Variants in MORF4L2 observed in about 807,000 individuals in gnomAD.
MORF4L2 encodes the protein mortality factor 4-like protein 2.
A neutral mutation model predicts 12.0 loss-of-function variants in MORF4L2; 1 was observed. The ratio of observed to expected loss-of-function variants is 0.08; its 90% CI spans 0.03 to 0.40. The LOEUF (loss-of-function observed/expected upper bound fraction) is 0.40. Ranked by LOEUF, MORF4L2 falls within the 10% of genes least tolerant of loss-of-function variation. MORF4L2 has a pLI of 0.98. For missense variants in MORF4L2, 123 were observed against 214.0 expected (o/e 0.57, Z 2.65); for synonymous variants, 69 against 81.6 (o/e 0.85, Z 0.83).
At chrX:103,678,251 G>C (rs1358228473) in intron 3 of MORF4L2, among the ~76,000 whole-genome samples, 1 of 111,064 alleles carries the variant, frequency 9.0e-6, no homozygotes, top group Admixed American at 9.6e-5. Flanking sequence ...TGGAATTCTG[G>C]AAAACCTAAG....
Position 103,686,615 on chromosome X carries a change from A to G in MORF4L2, c.-268+16T>C, listed in dbSNP as rs1275319503. 1 of 51,366 alleles carries G rather than the reference A, an allele frequency of 1.9e-5. No homozygotes were observed. Among genetic ancestry groups the G allele is most frequent in the African/African-American group, 7.3e-5 (1 of 13,745 alleles). The allele number at this position is 51,366 out of a possible 1,213,427, so 4.2% of individuals were successfully genotyped here. ...AGGAAATCATCGACCCTTTCTCCCC[A>G]CCCCCACCCCGAAACCTGAAACGAG... On this transcript the variant is annotated intron_variant, in intron 1 of 3. Transcript: ENST00000441076.
At chrX:103,687,744 A>C (rs2074149348), upstream of MORF4L2, among the ~76,000 whole-genome samples, 1 of 110,996 alleles carries the variant, frequency 9.0e-6, no homozygotes, top group Non-Finnish European at 1.9e-5. Context: ...TCCTATCGTA[A>C]ACCACAGCCC....
chrX:103,685,445 G>A (rs1481348798), intron 1 of MORF4L2, 185 bp from the exon 2 acceptor site: 3 of 111,781 alleles, frequency 2.7e-5, no homozygotes, highest in African/African-American at 9.8e-5. Flanking sequence ...TTGTACATTT[G>A]TATAATTTCT....
chrX:103,684,800 A>G (rs745945071), intron 2 of MORF4L2: 1 of 111,981 alleles, frequency 8.9e-6, no homozygotes, highest in African/African-American at 3.3e-5. Flanking sequence ...GTGAGTAAAT[A>G]TCTTGCCCAA....
intron 3 of MORF4L2, among the ~76,000 whole-genome samples, 183 bp downstream of exon 3, chrX:103,678,316 G>A (rs1348632453): frequency 2.7e-5 from 3 of 111,489 alleles, no homozygotes; most frequent in Non-Finnish European, 5.6e-5. Context: ...AAAATGTTAA[G>A]AGTAGCCATA....
At position 103,680,034 on chromosome X, in the gene MORF4L2, A is replaced by G. The variant is rs1212738894; in HGVS notation, c.-177-1383T>C. Among the ~76,000 whole-genome samples, 2 of 110,783 alleles carry G rather than the reference A, an allele frequency of 1.8e-5. 1 individual carries two copies. The highest frequency in any genetic ancestry group is 7.6e-4 in the South Asian group (2 of 2,617). On this transcript the variant is annotated intron_variant, in intron 2 of 3. Coordinates refer to ENST00000441076, the MANE Select transcript of MORF4L2 (RefSeq NM_012286.3). ...AACCCTGTCCCTACTAAAAACACAA[A>G]AATTAGCCAGGCTTAGTGGTGCACA...
At chrX:103,681,758 ATTTTT>A (rs2073990376) in intron 2 of MORF4L2, among the ~76,000 whole-genome samples, 2 of 111,434 alleles carry the variant, frequency 1.8e-5, no homozygotes, top group East Asian at 5.6e-4. Flanking sequence ...TTTTCCTTTC[ATTTTT>A]AAGTTTAAAA....
chrX:103,682,271 G>A (rs919546526), intron 2 of MORF4L2, among the ~76,000 whole-genome samples: 2 of 111,457 alleles, frequency 1.8e-5, no homozygotes, highest in African/African-American at 6.5e-5. Context: ...CATTTAGGTT[G>A]TTCCCAATAT....
intron 2 of MORF4L2, among the ~76,000 whole-genome samples, chrX:103,683,416 A>G (rs981626695): frequency 8.9e-6 from 1 of 112,576 alleles, no homozygotes; most frequent in Non-Finnish European, 1.9e-5. Context: ...ACAGTGGTAT[A>G]TCTGATAGTT....
At chrX:103,682,550 G>A (rs1052753979) in intron 2 of MORF4L2, among the ~76,000 whole-genome samples, 1 of 111,003 alleles carries the variant, frequency 9.0e-6, no homozygotes, top group Non-Finnish European at 1.9e-5. Flanking sequence ...ACTTTTCTTG[G>A]GCCAATCTAA....
In MORF4L2 at chrX:103,676,643, A is replaced by G. The variant is rs753294052; in HGVS notation, c.385T>C (p.Leu129=). 8.3e-7 allele frequency: 1 copy of G among 1,210,533 alleles called. No homozygotes were observed. The highest frequency in any genetic ancestry group is 1.8e-5 in the South Asian group (1 of 56,902). ...CAGTCCTCAACAAGCCATGGTTTTAATTCTTCAGGAATCTTCACTTTAACC... is the reference window on the plus strand; with the variant it reads ...CAGTCCTCAACAAGCCATGGTTTTAGTTCTTCAGGAATCTTCACTTTAACC... The part of the protein sequence containing the change: ...MEVKVKIPEE[L]KPWLVEDWDL... The change falls in exon 4 of 4, where the codon TTA becomes CTA. Residue 129 remains leucine, a synonymous_variant. Coordinates refer to ENST00000441076, the MANE Select transcript of MORF4L2 (RefSeq NM_012286.3).
chrX:103,681,989 T>A (rs2073995431), intron 2 of MORF4L2, among the ~76,000 whole-genome samples: 2 of 111,372 alleles, frequency 1.8e-5, no homozygotes, highest in Admixed American at 1.9e-4. Flanking sequence ...CCTAGGAGTA[T>A]CCTGAGTGAG....
chrX:103,683,221 G>T (rs2074027497), intron 2 of MORF4L2, among the ~76,000 whole-genome samples: 1 of 111,485 alleles, frequency 9.0e-6, no homozygotes, highest in Non-Finnish European at 1.9e-5. Context: ...GGGATTATAG[G>T]CGCCCACCTG....
chrX:103,677,023 C>T lies in MORF4L2; in HGVS notation c.5G>A (p.Ser2Asn). ...AGGTTGAGAACCCTGCTTTCTGGAA[C>T]TCATTCAACCCTGTTTTTATTCCAA... The part of the protein sequence containing the change: M[S>N]SRKQGSQPRG... Residue 2 changes from serine to asparagine, a missense_variant, in exon 4 of 4, where the codon AGT becomes AAT. Coordinates refer to ENST00000441076, the MANE Select transcript of MORF4L2 (RefSeq NM_012286.3). 1 of 1,185,463 alleles carries T rather than the reference C, an allele frequency of 8.4e-7. No individual in the cohort carries two copies. Among genetic ancestry groups the T allele is most frequent in the Non-Finnish European group, 1.1e-6 (1 of 886,326 alleles).
chrX:103,682,623 C>T (rs1156881617), intron 2 of MORF4L2, among the ~76,000 whole-genome samples: 3 of 111,985 alleles, frequency 2.7e-5, no homozygotes, highest in Non-Finnish European at 5.6e-5. Context: ...TCAATGGTCA[C>T]GTTATCGTAT....
intron 1 of MORF4L2, among the ~76,000 whole-genome samples, chrX:103,685,795 T>G (rs1173496991): frequency 4.5e-5 from 5 of 111,602 alleles, no homozygotes; most frequent in Non-Finnish European, 9.4e-5. Flanking sequence ...CATTTCCCCC[T>G]ACCGCTGAGA....
chrX:103,687,158 C>G (rs549503891), upstream of MORF4L2: 10 of 108,030 alleles, frequency 9.3e-5, no homozygotes, highest in East Asian at 2.0e-3. Context: ...TTTTCCCCCC[C>G]CACTGGGAGA....
chrX:103,676,376 G>T lies in MORF4L2; in HGVS notation c.652C>A (p.Pro218Thr). The change falls in exon 4 of 4, where the codon CCA (proline) becomes ACA (threonine). Residue 218 changes from proline (P) to threonine (T), a missense_variant. Pro to Thr is a conservative substitution (Grantham distance 38). Transcript: ENST00000441076. Reference protein sequence around the residue: ...AEILLAHPDAPMSQVYGAPHL... With the variant: ...AEILLAHPDATMSQVYGAPHL... ...GGTGCTCCATAAACCTGGGACATTG[G>T]AGCATCAGGGTGAGCCAAGAGGATT... 2 of 1,211,361 alleles carry T rather than the reference G, an allele frequency of 1.7e-6. No individual in the cohort carries two copies. Among genetic ancestry groups the T allele is most frequent in the Non-Finnish European group, 2.2e-6 (2 of 895,279 alleles).
At chrX:103,687,681 A>G (rs750933338), upstream of MORF4L2, among the ~76,000 whole-genome samples, 51 of 112,462 alleles carry the variant, frequency 4.5e-4, no homozygotes, top group African/African-American at 1.5e-3. Context: ...GGCTTTCCGT[A>G]CTGATTTAAT....
Sources: gnomAD v4.1 joint callset for allele counts (sites outside exome capture counted in the v4.1 genomes callset) on GRCh38, gnomAD v4.1.1 for gene constraint, MANE v1.5 for transcripts, NCBI Gene and HGNC (gene_info 2026-07-23, HGNC 2026-07-21) for gene names.